BMP6: variants seen among roughly 807,000 people sequenced by gnomAD.
BMP6 encodes bone morphogenetic protein 6.
Under a neutral mutation model 54.1 loss-of-function variants are expected in BMP6, and 17 were observed. The observed-to-expected ratio is 0.31, with a 90% CI of 0.22 to 0.47. The LOEUF (loss-of-function observed/expected upper bound fraction) is 0.47. Ranked by LOEUF, BMP6 falls within the 20% of genes least tolerant of loss-of-function variation. The pLI is 1.00. For synonymous variants in BMP6, 328 were observed against 291.2 expected (o/e 1.13, Z -1.28); for missense variants, 720 against 690.4 (o/e 1.04, Z -0.48).
At chr6:7,824,335 G>A (rs890855122) in intron 1 of BMP6, among the ~76,000 whole-genome samples, 2 of 152,186 alleles carry the variant, frequency 1.3e-5, no homozygotes, top group Non-Finnish European at 2.9e-5. Context: ...GTGAGTAGCA[G>A]GGGTCTCCGT....
chr6:7,757,112 G>A (rs573231381), intron 1 of BMP6, among the ~76,000 whole-genome samples: 1 of 152,346 alleles, frequency 6.6e-6, no homozygotes, highest in South Asian at 2.1e-4. Context: ...CAATGAGATT[G>A]TTGGACCCTA....
intron 1 of BMP6, among the ~76,000 whole-genome samples, chr6:7,842,621 A>G (rs1202533372): frequency 6.6e-6 from 1 of 152,238 alleles, no homozygotes; most frequent in African/African-American, 2.4e-5. Context: ...CTGTTGGTCC[A>G]AAACAGGTCA....
chr6:7,856,643 C>A (rs1660392337), intron 2 of BMP6, among the ~76,000 whole-genome samples: 1 of 115,086 alleles, frequency 8.7e-6, no homozygotes, highest in South Asian at 2.8e-4. Flanking sequence ...GTCGCCCAGG[C>A]TGGAGTGCAG....
At chr6:7,743,240 A>G (rs1757295310) in intron 1 of BMP6, among the ~76,000 whole-genome samples, 1 of 152,170 alleles carries the variant, frequency 6.6e-6, no homozygotes, top group Non-Finnish European at 1.5e-5. Flanking sequence ...CCAAATAAGT[A>G]GTTTATTGCT....
chr6:7,749,840 C>T (rs1201743536), intron 1 of BMP6, among the ~76,000 whole-genome samples: 1 of 152,194 alleles, frequency 6.6e-6, no homozygotes, highest in Non-Finnish European at 1.5e-5. Context: ...GGCTTACTCC[C>T]AGAGATTTCA....
chr6:7,844,050 G>C (rs145256555), intron 1 of BMP6, among the ~76,000 whole-genome samples: 39 of 152,032 alleles, frequency 2.6e-4, no homozygotes, highest in African/African-American at 8.7e-4. Context: ...TTTGTGGTGA[G>C]ATTGTCCCAG....
intron 2 of BMP6, among the ~76,000 whole-genome samples, chr6:7,856,859 G>A (rs1469379022): frequency 1.3e-5 from 2 of 151,950 alleles, no homozygotes; most frequent in African/African-American, 2.4e-5. Flanking sequence ...GCCTCCCAAA[G>A]TGCTGGGATT....
chr6:7,871,444 A>G (rs1237064497), intron 4 of BMP6, among the ~76,000 whole-genome samples: 1 of 152,202 alleles, frequency 6.6e-6, no homozygotes, highest in East Asian at 1.9e-4. Flanking sequence ...TATGGAAGGA[A>G]TTCGTCCTGG....
Position 7,862,445 on chromosome 6 carries a change from G to A in BMP6, c.1151G>A (p.Ser384Asn), listed in dbSNP as rs1161031857. The change falls in exon 4 of 7, where the codon AGT becomes AAT. Residue 384 changes from serine to asparagine, a missense_variant. Physicochemically the swap from Ser to Asn is conservative, Grantham distance 46. Transcript: ENST00000283147. ...GCCTCCAGCCGGCGCCGACAACAGA[G>A]TCGTAATCGCTCTACCCAGTCCCAG... Reference protein sequence around the residue: ...RSASSRRRQQSRNRSTQSQDV... With the variant: ...RSASSRRRQQNRNRSTQSQDV... 16 of 1,614,212 alleles carry A rather than the reference G, an allele frequency of 9.9e-6. No homozygotes were observed. Among genetic ancestry groups the A allele is most frequent in the East Asian group, 8.9e-5 (4 of 44,886 alleles).
At position 7,862,174 on chromosome 6, in the gene BMP6, A is replaced by C. The variant is rs1759344898; in HGVS notation, c.1007-127A>C. On this transcript the variant is annotated intron_variant, in intron 3 of 6. Transcript: ENST00000283147. ...GCCAGGCAAGGTTTGGGGATACATG[A>C]TCTTCTTCTTCACACTCATTCTTAA... The C allele has an allele frequency of 5.2e-6, 6 of 1,154,072 alleles. No homozygotes were observed. The Admixed American group carries it at 1.2e-4, about 22-fold the overall frequency. The allele number at this position is 1,154,072 out of a possible 1,614,324, so 71.5% of individuals were successfully genotyped here. A position where few individuals can be genotyped will look rare whatever the true frequency, so the allele number is the denominator to read the frequency against.
At chr6:7,839,579 G>A (rs565911135) in intron 1 of BMP6, among the ~76,000 whole-genome samples, 1 of 152,274 alleles carries the variant, frequency 6.6e-6, no homozygotes, top group South Asian at 2.1e-4. Context: ...CCTTTTGTGG[G>A]TGGCACATTT....
At chr6:7,774,374 G>T (rs1757832921) in intron 1 of BMP6, among the ~76,000 whole-genome samples, 1 of 152,124 alleles carries the variant, frequency 6.6e-6, no homozygotes, top group Non-Finnish European at 1.5e-5. Flanking sequence ...ACATGTCGAA[G>T]CCCCGTCTCT....
At position 7,856,369 on chromosome 6, in the gene BMP6, T is replaced by G. The variant is rs77767323; in HGVS notation, c.858-5082T>G. Among the ~76,000 whole-genome samples, 367 of 151,640 alleles carry G rather than the reference T, an allele frequency of 2.4e-3. 4 individuals are homozygous for G. The highest frequency in any genetic ancestry group is 8.4e-3 in the African/African-American group (346 of 41,400). On this transcript the variant is annotated intron_variant, in intron 2 of 6. Transcript: ENST00000283147. ...CTTAATTTTCTAAAATGAAAATGGA[T>G]TTTTTTTACTTTCATTCTATTTGAA...
At chr6:7,765,502 G>A (rs753098458) in intron 1 of BMP6, among the ~76,000 whole-genome samples, 1 of 152,220 alleles carries the variant, frequency 6.6e-6, no homozygotes, top group African/African-American at 2.4e-5. Flanking sequence ...TAAGGGATGC[G>A]TAAGTGTATC....
intron 4 of BMP6, among the ~76,000 whole-genome samples, chr6:7,869,212 C>T (rs911053019): frequency 2.6e-5 from 4 of 152,240 alleles, no homozygotes; most frequent in Admixed American, 6.5e-5. Flanking sequence ...TGGCTGCGCC[C>T]TTCCCTTCTC....
intron 1 of BMP6, among the ~76,000 whole-genome samples, chr6:7,733,834 G>A (rs1260799780): frequency 6.6e-6 from 1 of 152,146 alleles, no homozygotes; most frequent in Non-Finnish European, 1.5e-5. Flanking sequence ...TATGAAAGTG[G>A]TGATAGTTGT....
chr6:7,738,808 G>A (rs1761999975), intron 1 of BMP6, among the ~76,000 whole-genome samples: 1 of 152,204 alleles, frequency 6.6e-6, no homozygotes, highest in African/African-American at 2.4e-5. Context: ...CAGGGAAGAT[G>A]GTGAACACAT....
At chr6:7,798,415 A>G (rs1758222226) in intron 1 of BMP6, among the ~76,000 whole-genome samples, 1 of 152,242 alleles carries the variant, frequency 6.6e-6, no homozygotes, top group African/African-American at 2.4e-5. Flanking sequence ...GCAGTCATGC[A>G]GCCCCTTAGA....
chr6:7,835,863 G>A (rs957939970), intron 1 of BMP6, among the ~76,000 whole-genome samples: 1 of 151,468 alleles, frequency 6.6e-6, no homozygotes, highest in Non-Finnish European at 1.5e-5. Context: ...TTGAGATGGA[G>A]TCTTGCTCTG....
Sources: gnomAD v4.1 joint callset for allele counts (sites outside exome capture counted in the v4.1 genomes callset) on GRCh38, gnomAD v4.1.1 for gene constraint, MANE v1.5 for transcripts, NCBI Gene and HGNC (gene_info 2026-07-23, HGNC 2026-07-21) for gene names.